Variants in ACSBG1 observed in about 807,000 individuals in gnomAD.
The protein encoded by ACSBG1 is long-chain-fatty-acid--CoA ligase ACSBG1.
In ACSBG1, 39 loss-of-function variants were observed where a neutral mutation model predicts 80.2. The ratio of observed to expected loss-of-function variants is 0.49; its 90% CI spans 0.38 to 0.64. The LOEUF (loss-of-function observed/expected upper bound fraction) is 0.64, where lower values mean the gene tolerates loss of function less well. ACSBG1 is among the 30% of genes least tolerant of loss of function. The pLI, the probability that ACSBG1 is intolerant of heterozygous loss-of-function variation, is 0.00. For synonymous variants in ACSBG1, 392 were observed against 379.5 expected, an observed-to-expected ratio of 1.03 and a Z score of -0.38; for missense variants, 828 against 966.4, an observed-to-expected ratio of 0.86 and a Z score of 1.90.
intron 2 of ACSBG1, 79 bp downstream of exon 2, chr15:78,207,923 A>ACC: frequency 3.5e-6 from 1 of 284,790 alleles, no homozygotes; most frequent in African/African-American, 2.9e-5. Flanking sequence ...GTGGTCCCCC[A>ACC]CACCACCCAC....
Position 78,173,675 on chromosome 15 carries a change from G to A in ACSBG1, c.2007C>T (p.Asn669=). Residue 669 remains asparagine (N), a synonymous_variant, in exon 13 of 14, where the codon AAC becomes AAT. Transcript: ENST00000258873. The stretch of plus-strand genomic sequence containing the variant: ...GGTAGGGCCGGGCCGCCGCGTTCAT[G>A]TTGACCCTCCGGATCCCCTCTTCGA... ...QAIEEGIRRV[N]MNAAARPYHI... is the part of the protein sequence containing the mutation. The A allele has an allele frequency of 6.2e-7, 1 of 1,614,238 alleles. No homozygotes were observed. Among genetic ancestry groups the A allele is most frequent in the South Asian group, 1.1e-5 (1 of 91,084 alleles).
chr15:78,205,036 C>T (rs1340052687), intron 2 of ACSBG1, among the ~76,000 whole-genome samples: 1 of 152,026 alleles, frequency 6.6e-6, no homozygotes, highest in African/African-American at 2.4e-5. Flanking sequence ...CAGCCCTGGC[C>T]AGCACCTCCA....
At chr15:78,233,060 G>A (rs1331970324) in intron 1 of ACSBG1, among the ~76,000 whole-genome samples, 1 of 152,202 alleles carries the variant, frequency 6.6e-6, no homozygotes. Context: ...CCAGGGAGGA[G>A]GGGAGGTGCC....
intron 1 of ACSBG1, among the ~76,000 whole-genome samples, chr15:78,214,254 T>G (rs1340373553): frequency 1.3e-5 from 2 of 152,214 alleles, no homozygotes; most frequent in African/African-American, 4.8e-5. Flanking sequence ...GGGCTGTCCC[T>G]GGTGATCTGC....
Position 78,173,621 on chromosome 15 carries a change from T to C in ACSBG1, c.2061A>G (p.Arg687=). ...ACTCTCCACCCGAAATGGAGAAGTC[T>C]CTCTCGAGAATGGCCCACTTCTGGA... is the stretch of plus-strand genomic sequence containing the variant. ...YHIQKWAILE[R]DFSISGGELG... The change falls in exon 13 of 14, where the codon AGA becomes AGG. Residue 687 remains arginine, a synonymous_variant. Transcript: ENST00000258873. 6.2e-7 allele frequency: 1 copy of C among 1,614,132 alleles called. No homozygotes were observed. Among genetic ancestry groups the C allele is most frequent in the Non-Finnish European group, 8.5e-7 (1 of 1,180,024 alleles).
rs1369662995 is a variant in ACSBG1 at position 78,170,945 on chromosome 15, G to GT, written c.*498dup. The GT allele has an allele frequency of 6.5e-6, 1 of 153,178 alleles. No individual in the cohort carries two copies. The highest frequency in any genetic ancestry group is 2.4e-5 in the African/African-American group (1 of 41,594). The allele number at this position is 153,178 out of a possible 1,614,324, so 9.5% of individuals were successfully genotyped here. Reference sequence around the variant, plus strand: ...AAGCATCAAGTCAGTTGGCATGTGGGTGGCGGAGTGCCTGGTAATGGAATA... The same window carrying GT: ...AAGCATCAAGTCAGTTGGCATGTGGGTTGGCGGAGTGCCTGGTAATGGAATA... On this transcript the variant is annotated 3_prime_UTR_variant, in exon 14 of 14. Coordinates refer to ENST00000258873, the MANE Select transcript of ACSBG1 (RefSeq NM_015162.5).
rs2074837533 is a variant in ACSBG1 at position 78,172,631 on chromosome 15, T to TG, written c.2089+961dup. 1.3e-5 allele frequency among the ~76,000 whole-genome samples: 2 copies of TG among 152,250 alleles called. No homozygotes were observed. The highest frequency in any genetic ancestry group is 2.9e-5 in the Non-Finnish European group (2 of 68,040). ...CTCTCTGACCTTGCGTTCAATATGCTGGCAGCAGACAGCCAGATAAGCTCA... is the reference window on the plus strand; with the variant it reads ...CTCTCTGACCTTGCGTTCAATATGCTGGGCAGCAGACAGCCAGATAAGCTCA... On this transcript the variant is annotated intron_variant, in intron 13 of 13. Coordinates refer to ENST00000258873, the MANE Select transcript of ACSBG1 (RefSeq NM_015162.5). This position sits in a 1 kb window ranked among gnomAD's most constrained non-coding sequence, Gnocchi z 4.1.
intron 1 of ACSBG1, among the ~76,000 whole-genome samples, chr15:78,231,711 C>T (rs1350840750): frequency 6.6e-6 from 1 of 152,160 alleles, no homozygotes; most frequent in East Asian, 1.9e-4. Context: ...ACCTCAGCCT[C>T]CTGAGTAGGT....
In ACSBG1 at chr15:78,174,488, G is replaced by A. The variant is rs2074862227; in HGVS notation, c.1739C>T (p.Pro580Leu). The A allele has an allele frequency of 1.2e-6, 2 of 1,614,158 alleles. No individual in the cohort carries two copies. The change falls in exon 12 of 14, where the codon CCT becomes CTT. Residue 580 changes from proline (P) to leucine (L), a missense_variant. Physicochemically the swap from Pro to Leu is moderately conservative, Grantham distance 98. Transcript: ENST00000258873. Reference protein sequence around the residue: ...IITAGGENVPPVPIEEAVKME... With the variant: ...IITAGGENVPLVPIEEAVKME... The stretch of plus-strand genomic sequence containing the variant: ...CTTCACGGCCTCCTCGATGGGCACA[G>A]GGGGCACATTCTCCCCACCAGCTGT...
chr15:78,206,764 C>A (rs946901193), intron 2 of ACSBG1, among the ~76,000 whole-genome samples: 4 of 152,208 alleles, frequency 2.6e-5, no homozygotes, highest in African/African-American at 9.6e-5. Context: ...GGCTGCCAGA[C>A]GACAGCCATT....
intron 2 of ACSBG1, among the ~76,000 whole-genome samples, chr15:78,207,066 T>C (rs7169757): frequency 0.8 from 121,644 of 152,246 alleles, 48,686 homozygotes; most frequent in East Asian, 0.86. Context: ...GGACCTGCCC[T>C]AGGTGGCTCA....
In ACSBG1 at chr15:78,178,469, T is replaced by C. The variant is rs1352045878; in HGVS notation, c.1702+145A>G. The C allele has an allele frequency of 8.0e-6, 7 of 873,364 alleles. No individual in the cohort carries two copies. In the East Asian group the frequency reaches 1.4e-4, roughly 17 times the overall value. 54.1% of individuals were successfully genotyped at this position (873,364 alleles called of 1,614,324 possible). On this transcript the variant is annotated intron_variant, in intron 11 of 13. Coordinates refer to ENST00000258873, the MANE Select transcript of ACSBG1 (RefSeq NM_015162.5). This position sits in a 1 kb window ranked among gnomAD's most constrained non-coding sequence, Gnocchi z 4.3. ...GCATGCCACCACGCCCAGCTAATTT[T>C]TCGTGTGTTTTTAGTAGAGATGGGG...
rs2075077489 is a variant in ACSBG1, at chr15:78,193,542, C to A, written c.627G>T (p.Met209Ile). Residue 209 changes from methionine to isoleucine, a missense_variant, in exon 5 of 14, where the codon ATG becomes ATT. Physicochemically the swap from Met to Ile is conservative, Grantham distance 10 (BLOSUM62 1). This residue lies in a region of ACSBG1 where 356 missense variants were observed against 363.5 expected (regional missense o/e 0.98). Transcript: ENST00000258873. Reference sequence around the variant, plus strand: ...TTTCCAGCTGCTTCTGCGTGTCGACCATGATGACATTGGCGCAGCAGTCAT... The same window carrying A: ...TTTCCAGCTGCTTCTGCGTGTCGACAATGATGACATTGGCGCAGCAGTCAT... ...IAYDCCANVI[M>I]VDTQKQLEKI... is the part of the protein sequence containing the mutation. 5 of 1,613,376 alleles carry A rather than the reference C, an allele frequency of 3.1e-6. No homozygotes were observed. The East Asian group carries it at 8.9e-5, about 29-fold the overall frequency.
At chr15:78,181,110 G>T in intron 8 of ACSBG1, 174 bp from the exon 9 acceptor site, 1 of 749,262 alleles carries the variant, frequency 1.3e-6, no homozygotes, top group Middle Eastern at 3.9e-4. Context: ...CTTGCTTTTT[G>T]CTCACAGAAC....
intron 1 of ACSBG1, among the ~76,000 whole-genome samples, chr15:78,231,551 G>T (rs1191408985): frequency 6.6e-6 from 1 of 152,014 alleles, no homozygotes; most frequent in Non-Finnish European, 1.5e-5. Context: ...CTACCAAAGT[G>T]CCAGGATTAC....
Position 78,172,907 on chromosome 15 carries a change from C to T in ACSBG1, c.2089+686G>A, listed in dbSNP as rs2074840251. On this transcript the variant is annotated intron_variant, in intron 13 of 13. Transcript: ENST00000258873. The surrounding 1 kb of genome is among the most constrained non-coding windows in gnomAD (Gnocchi z 4.1). ...CACAAGCTGACTTTCCGGAAGATCA[C>T]AGTACTCTCACCCCTAGAACCACGT... 6.6e-6 allele frequency among the ~76,000 whole-genome samples: 1 copy of T among 152,208 alleles called. No homozygotes were observed. The highest frequency in any genetic ancestry group is 2.1e-4 in the South Asian group (1 of 4,832).
chr15:78,225,464 G>C (rs1371706789), intron 1 of ACSBG1, among the ~76,000 whole-genome samples: 1 of 151,118 alleles, frequency 6.6e-6, no homozygotes, highest in African/African-American at 2.4e-5. Context: ...ATAAATTACA[G>C]TTTTCATAGC....
chr15:78,207,330 G>A (rs2075224884), intron 2 of ACSBG1, among the ~76,000 whole-genome samples: 1 of 152,318 alleles, frequency 6.6e-6, no homozygotes, highest in Admixed American at 6.5e-5. Context: ...TGGGAGAGCG[G>A]CAGCTGGTCT....
intron 2 of ACSBG1, among the ~76,000 whole-genome samples, chr15:78,197,719 TAAAAAA>T (rs746712543): frequency 3.7e-4 from 38 of 103,348 alleles, no homozygotes; most frequent in Non-Finnish European, 5.8e-4. Context: ...ACTCTGTCTT[TAAAAAA>T]AAAAAAAAAA....
Sources: allele counts gnomAD v4.1 joint callset (sites outside exome capture counted in the v4.1 genomes callset), GRCh38; gene constraint gnomAD v4.1.1; regional missense constraint gnomAD v4.1.1; non-coding constraint Gnocchi (gnomAD v3.1); transcripts MANE v1.5; gene names NCBI Gene and HGNC (gene_info 2026-07-23, HGNC 2026-07-21).